Variants in PITPNB observed in about 807,000 individuals in gnomAD.
PITPNB encodes phosphatidylinositol transfer protein beta.
Under a neutral mutation model 45.9 loss-of-function variants are expected in PITPNB, and 16 were observed. That is an observed-to-expected ratio of 0.35 (90% confidence interval 0.24 to 0.53). PITPNB has a LOEUF of 0.53. Ranked by LOEUF, PITPNB falls within the 20% of genes least tolerant of loss-of-function variation. The pLI is 0.93. For synonymous variants in PITPNB, 112 were observed against 108.9 expected (o/e 1.03, Z -0.18); for missense variants, 188 against 330.5 (o/e 0.57, Z 3.34).
chr22:27,874,175 C>A (rs562128878), intron 7 of PITPNB, among the ~76,000 whole-genome samples: 3 of 152,178 alleles, frequency 2.0e-5, no homozygotes, highest in Non-Finnish European at 2.9e-5. Flanking sequence ...ATAAAACATA[C>A]CCATCCCAGT....
intron 3 of PITPNB, among the ~76,000 whole-genome samples, chr22:27,899,824 AT>A (rs1223834806): frequency 1.3e-5 from 2 of 152,188 alleles, no homozygotes; most frequent in Admixed American, 1.3e-4. Flanking sequence ...CATGAGGATA[AT>A]TTTTTAAGCC....
chr22:27,901,386 A>G (rs1935588765), intron 3 of PITPNB, among the ~76,000 whole-genome samples: 4 of 152,208 alleles, frequency 2.6e-5, no homozygotes, highest in Non-Finnish European at 5.9e-5. Context: ...CACAAGCAAG[A>G]CAACTTTTCC....
Position 27,853,477 on chromosome 22 carries a change from C to A in PITPNB, c.*225G>T. 3.0e-6 allele frequency: 2 copies of A among 675,798 alleles called. No homozygotes were observed. Among genetic ancestry groups the A allele is most frequent in the South Asian group, 1.8e-5 (1 of 57,096 alleles). The allele number at this position is 675,798 out of a possible 1,614,324, so 41.9% of individuals were successfully genotyped here. On this transcript the variant is annotated 3_prime_UTR_variant, in exon 12 of 12. Coordinates refer to ENST00000335272, the MANE Select transcript of PITPNB (RefSeq NM_012399.5). ...GTATCTGGATCTGTAGCTCTACATG[C>A]GCTTTATATACAGCTACAGACATAT...
intron 9 of PITPNB, among the ~76,000 whole-genome samples, 158 bp from the exon 10 acceptor site, chr22:27,858,667 C>T (rs1934237262): frequency 6.6e-6 from 1 of 151,988 alleles, no homozygotes. Flanking sequence ...ATTTAATTAT[C>T]ATTGTGTCCA....
chr22:27,912,277 C>CTCT (rs1449570161), intron 2 of PITPNB, among the ~76,000 whole-genome samples: 2 of 152,168 alleles, frequency 1.3e-5, no homozygotes, highest in Non-Finnish European at 2.9e-5. Flanking sequence ...CACACACACA[C>CTCT]TCTTACTCAA....
intron 7 of PITPNB, among the ~76,000 whole-genome samples, chr22:27,883,350 C>A (rs1935028163): frequency 6.6e-6 from 1 of 152,222 alleles, no homozygotes; most frequent in Non-Finnish European, 1.5e-5. Context: ...GCTACAAATT[C>A]TTTTAACAGT....
At chr22:27,856,791 T>C (rs1343999920) in intron 10 of PITPNB, among the ~76,000 whole-genome samples, 1 of 152,212 alleles carries the variant, frequency 6.6e-6, no homozygotes, top group Non-Finnish European at 1.5e-5. Context: ...CACCAGCTGC[T>C]TGGAAGAGCC....
At chr22:27,898,813 T>A (rs2267127) in intron 3 of PITPNB, among the ~76,000 whole-genome samples, 2 of 152,100 alleles carry the variant, frequency 1.3e-5, no homozygotes, top group African/African-American at 4.8e-5. Flanking sequence ...TGCAAGCATA[T>A]GATAATCAGA....
chr22:27,885,774 T>C (rs112215677), intron 7 of PITPNB, among the ~76,000 whole-genome samples: 5 of 152,320 alleles, frequency 3.3e-5, no homozygotes, highest in African/African-American at 1.2e-4. Context: ...ATTTGAACAA[T>C]AAAAACTTCA....
intron 7 of PITPNB, among the ~76,000 whole-genome samples, chr22:27,879,479 A>G (rs1195078334): frequency 3.9e-5 from 6 of 152,016 alleles, no homozygotes; most frequent in Non-Finnish European, 8.8e-5. Context: ...ACACCCCAGC[A>G]CTCTCCTCAG....
chr22:27,901,309 T>A (rs1935585919), intron 3 of PITPNB, among the ~76,000 whole-genome samples: 1 of 152,138 alleles, frequency 6.6e-6, no homozygotes, highest in African/African-American at 2.4e-5. Flanking sequence ...CCTTTTTTAA[T>A]CCTATTCCTG....
intron 8 of PITPNB, among the ~76,000 whole-genome samples, chr22:27,862,168 C>T (rs1934357383): frequency 6.6e-6 from 1 of 152,102 alleles, no homozygotes; most frequent in Non-Finnish European, 1.5e-5. Context: ...ATCCCACTTT[C>T]AAAAAGCTGC....
intron 3 of PITPNB, among the ~76,000 whole-genome samples, chr22:27,907,049 G>A (rs1935783266): frequency 1.3e-5 from 2 of 152,202 alleles, no homozygotes; most frequent in Admixed American, 1.3e-4. Context: ...TAAGGCCTTG[G>A]TGGCCTTAGT....
In PITPNB at chr22:27,911,073, T is replaced by C; in HGVS notation, c.88A>G (p.Ser30Gly). 1.2e-6 allele frequency: 2 copies of C among 1,612,562 alleles called. No homozygotes were observed. Among genetic ancestry groups the C allele is most frequent in the South Asian group, 1.1e-5 (1 of 91,042 alleles). ...TCTCCACCACCAGTCTCATTCTTAC[T>C]AGCTTCTGCAACAGAGTAAAGCTGC... ...VGQLYSVAEA[S>G]KNETGGGEGI... Residue 30 changes from serine (S) to glycine (G), a missense_variant, in exon 3 of 12, where the codon AGT (serine) becomes GGT (glycine). By Grantham distance (56) the Ser-to-Gly change is moderately conservative. Coordinates refer to ENST00000335272, the MANE Select transcript of PITPNB (RefSeq NM_012399.5).
At chr22:27,897,006 G>A in intron 5 of PITPNB, 124 bp downstream of exon 5, 1 of 762,668 alleles carries the variant, frequency 1.3e-6, no homozygotes, top group East Asian at 2.4e-5. Flanking sequence ...GCGGCTGGTT[G>A]GTGGGACACA....
chr22:27,875,303 C>T (rs1475018188), intron 7 of PITPNB, among the ~76,000 whole-genome samples: 1 of 152,250 alleles, frequency 6.6e-6, no homozygotes, highest in Non-Finnish European at 1.5e-5. Context: ...GGCATAGCCA[C>T]AGGCATCAGC....
At chr22:27,891,798 T>G (rs577566754) in intron 7 of PITPNB, among the ~76,000 whole-genome samples, 23 of 152,306 alleles carry the variant, frequency 1.5e-4, no homozygotes, top group Admixed American at 1.2e-3. Flanking sequence ...CCTCTTTCCA[T>G]TATAAATTAC....
intron 2 of PITPNB, among the ~76,000 whole-genome samples, chr22:27,913,640 C>A (rs1252870928): frequency 6.6e-6 from 1 of 152,162 alleles, no homozygotes; most frequent in Non-Finnish European, 1.5e-5. Context: ...CATACCATGT[C>A]TGGAATACTG....
intron 1 of PITPNB, among the ~76,000 whole-genome samples, chr22:27,918,034 G>A (rs1936134860): frequency 6.6e-6 from 1 of 152,182 alleles, no homozygotes. Context: ...TTATTCTAGA[G>A]TAGCAGAGGA....
Sources: gnomAD v4.1 joint callset for allele counts (sites outside exome capture counted in the v4.1 genomes callset) on GRCh38, gnomAD v4.1.1 for gene constraint, MANE v1.5 for transcripts, NCBI Gene and HGNC (gene_info 2026-07-23, HGNC 2026-07-21) for gene names.